BTRC: variants seen among roughly 807,000 people sequenced by gnomAD.
BTRC encodes beta-transducin repeat containing E3 ubiquitin protein ligase.
BTRC carries 42 observed loss-of-function variants against 85.5 expected under a neutral mutation model. The ratio of observed to expected loss-of-function variants is 0.49; its 90% CI spans 0.38 to 0.64. The LOEUF (loss-of-function observed/expected upper bound fraction) is 0.64. Among genes scored for constraint, BTRC ranks in the 30% least tolerant of loss-of-function variants. The pLI, the probability that BTRC is intolerant of heterozygous loss-of-function variation, is 0.00. For missense variants in BTRC, 594 were observed against 743.5 expected (o/e 0.80, Z 2.34); for synonymous variants, 255 against 263.3 (o/e 0.97, Z 0.30).
chr10:101,444,165 T>A (rs1025872368), intron 2 of BTRC, among the ~76,000 whole-genome samples: 2 of 152,226 alleles, frequency 1.3e-5, no homozygotes, highest in Non-Finnish European at 2.9e-5. Context: ...GACTAGTCTG[T>A]GTCTTAAATG....
chr10:101,491,805 G>A (rs899850497), intron 4 of BTRC, among the ~76,000 whole-genome samples: 5 of 152,258 alleles, frequency 3.3e-5, no homozygotes, highest in Admixed American at 1.3e-4. Flanking sequence ...GTGAAGACAT[G>A]ATGAGGTCAT....
chr10:101,510,831 C>T (rs1410381692), intron 4 of BTRC, among the ~76,000 whole-genome samples: 3 of 152,318 alleles, frequency 2.0e-5, no homozygotes, highest in Non-Finnish European at 4.4e-5. Context: ...CTCCTTCATC[C>T]TCTGTCATGA....
rs1265841086 is a variant in BTRC, at chr10:101,555,335, G to T, written c.*2212G>T. 1 of 152,642 alleles carries T rather than the reference G, an allele frequency of 6.6e-6. No homozygotes were observed. The highest frequency in any genetic ancestry group is 1.9e-4 in the East Asian group (1 of 5,196). The allele number at this position is 152,642 out of a possible 1,614,324, so 9.5% of individuals were successfully genotyped here. On this transcript the variant is annotated 3_prime_UTR_variant, in exon 15 of 15. Transcript: ENST00000370187. ...AATGTTTATTGGTGCCCAGGGTTTT[G>T]CTCTCCAATCTAGGTTCAGTTGAAG...
chr10:101,501,829 G>T (rs1946406758), intron 4 of BTRC, among the ~76,000 whole-genome samples: 1 of 152,162 alleles, frequency 6.6e-6, no homozygotes, highest in Non-Finnish European at 1.5e-5. Context: ...ATTTTATGGA[G>T]GTGACTGTCT....
chr10:101,429,703 C>A (rs552415190), intron 1 of BTRC, among the ~76,000 whole-genome samples: 2 of 150,090 alleles, frequency 1.3e-5, no homozygotes, highest in South Asian at 2.2e-4. Flanking sequence ...CCCCACCCCC[C>A]ACAGACCCCA....
chr10:101,367,379 A>G (rs1055651678), intron 1 of BTRC, among the ~76,000 whole-genome samples: 3 of 151,964 alleles, frequency 2.0e-5, no homozygotes, highest in Non-Finnish European at 4.4e-5. Context: ...GCCTAGGTCT[A>G]TATTTAAGAA....
chr10:101,354,523 T>TG, intron 1 of BTRC: 2 of 446,186 alleles, frequency 4.5e-6, no homozygotes, highest in South Asian at 7.0e-5. Context: ...GAAAGGGGCG[T>TG]GGGGACTGTT....
intron 1 of BTRC, among the ~76,000 whole-genome samples, chr10:101,420,202 G>C (rs986653946): frequency 6.6e-6 from 1 of 151,748 alleles, no homozygotes; most frequent in South Asian, 2.1e-4. Context: ...TTCTATACTT[G>C]TAACTTGTTT....
rs575682283 is a variant in BTRC, at chr10:101,512,545, G to A, written c.325-9094G>A. Among the ~76,000 whole-genome samples, 4 of 152,268 alleles carry A rather than the reference G, an allele frequency of 2.6e-5. No individual in the cohort carries two copies. In the East Asian group the frequency reaches 7.7e-4, roughly 29 times the overall value. The stretch of plus-strand genomic sequence containing the variant: ...CCATAAAGTTCAGTCAGTCCACTAT[G>A]TATTTCCCAACCTATACATAATACA... On this transcript the variant is annotated intron_variant, in intron 4 of 14. Coordinates refer to ENST00000370187, the MANE Select transcript of BTRC (RefSeq NM_033637.4).
intron 1 of BTRC, among the ~76,000 whole-genome samples, chr10:101,424,903 G>C (rs1441159488): frequency 6.6e-6 from 1 of 152,134 alleles, no homozygotes; most frequent in South Asian, 2.1e-4. Context: ...ATCTCACCCA[G>C]GTAGAGAGTG....
At chr10:101,448,390 T>G (rs1366590098) in intron 2 of BTRC, among the ~76,000 whole-genome samples, 1 of 152,110 alleles carries the variant, frequency 6.6e-6, no homozygotes. Flanking sequence ...CCAATAAATT[T>G]ATTAAATTAC....
chr10:101,357,508 G>A (rs1942076363), intron 1 of BTRC, among the ~76,000 whole-genome samples: 1 of 150,946 alleles, frequency 6.6e-6, no homozygotes, highest in Non-Finnish European at 1.5e-5. Flanking sequence ...CAGTACACAT[G>A]GAAGAACTAT....
chr10:101,489,839 G>A (rs189514653), intron 4 of BTRC, among the ~76,000 whole-genome samples: 269 of 152,128 alleles, frequency 1.8e-3, no homozygotes, highest in Non-Finnish European at 2.5e-3. Flanking sequence ...GTTTTTGAAG[G>A]CATCTTTTTT....
intron 1 of BTRC, among the ~76,000 whole-genome samples, chr10:101,418,404 G>T (rs1944005066): frequency 6.6e-6 from 1 of 151,356 alleles, no homozygotes; most frequent in Non-Finnish European, 1.5e-5. Flanking sequence ...ATATTTTTTT[G>T]GGGGGGTGAT....
intron 13 of BTRC, among the ~76,000 whole-genome samples, chr10:101,543,899 T>C (rs918608992): frequency 2.0e-5 from 3 of 152,184 alleles, no homozygotes; most frequent in Admixed American, 1.3e-4. Flanking sequence ...CAATCAACCA[T>C]CTTTTAAGAT....
chr10:101,525,687 CTAGTG>C (rs2062180760), intron 5 of BTRC, among the ~76,000 whole-genome samples: 1 of 152,230 alleles, frequency 6.6e-6, no homozygotes, highest in African/African-American at 2.4e-5. Flanking sequence ...AGAACATCCC[CTAGTG>C]CTGAAATCCA....
intron 1 of BTRC, among the ~76,000 whole-genome samples, chr10:101,392,640 C>T (rs563294741): frequency 6.6e-6 from 1 of 151,956 alleles, no homozygotes; most frequent in South Asian, 2.1e-4. Flanking sequence ...GTTGGGATTA[C>T]GGGTGCCCAC....
intron 13 of BTRC, among the ~76,000 whole-genome samples, chr10:101,539,116 C>T (rs768118598): frequency 2.6e-5 from 4 of 151,932 alleles, no homozygotes; most frequent in Non-Finnish European, 5.9e-5. Context: ...AGTTCTGCAG[C>T]CTATTCATGA....
intron 4 of BTRC, among the ~76,000 whole-genome samples, chr10:101,499,213 C>T (rs1946341791): frequency 6.6e-6 from 1 of 152,098 alleles, no homozygotes; most frequent in South Asian, 2.1e-4. Context: ...GACACTTGGC[C>T]TGTACCTGGG....
Sources: allele counts gnomAD v4.1 joint callset (sites outside exome capture counted in the v4.1 genomes callset), GRCh38; gene constraint gnomAD v4.1.1; transcripts MANE v1.5; gene names NCBI Gene and HGNC (gene_info 2026-07-23, HGNC 2026-07-21).